The following PICALM variants were observed in gnomAD, a reference collection of about 807,000 sequenced individuals.
The protein encoded by PICALM is phosphatidylinositol binding clathrin assembly protein.
A neutral mutation model predicts 80.5 loss-of-function variants in PICALM; 40 were observed. That is an observed-to-expected ratio of 0.50 (90% confidence interval 0.39 to 0.65). PICALM has a LOEUF of 0.65. Among genes scored for constraint, PICALM ranks in the 30% least tolerant of loss-of-function variants. PICALM has a pLI of 0.00. For missense variants in PICALM, 676 were observed against 778.9 expected (o/e 0.87, Z 1.57); for synonymous variants, 288 against 260.3 (o/e 1.11, Z -1.02).
In PICALM at chr11:85,981,983, G is replaced by C; in HGVS notation, c.1537C>G (p.Leu513Val). 1 of 1,613,202 alleles carries C rather than the reference G, an allele frequency of 6.2e-7. No homozygotes were observed. The highest frequency in any genetic ancestry group is 2.2e-5 in the East Asian group (1 of 44,864). ...DSGGFDELGG[L>V]LKPTVASQNQ... is the part of the protein sequence containing the mutation. The stretch of plus-strand genomic sequence containing the variant: ...TGAGAGGCCACTGTTGGTTTGAGAA[G>C]TCCACCTAGTTCATCAAAGCCTTAA... Residue 513 changes from leucine (L) to valine (V), a missense_variant, in exon 15 of 20, where the codon CTT becomes GTT. By Grantham distance (32) the Leu-to-Val change is conservative. Coordinates refer to ENST00000393346, the MANE Select transcript of PICALM (RefSeq NM_007166.4).
At chr11:86,020,741 A>G (rs1485646926) in intron 4 of PICALM, among the ~76,000 whole-genome samples, 2 of 152,226 alleles carry the variant, frequency 1.3e-5, no homozygotes, top group African/African-American at 2.4e-5. Context: ...TTCCAAATAG[A>G]TAAGAACCTA....
At chr11:86,037,567 T>C (rs1262902967) in intron 1 of PICALM, among the ~76,000 whole-genome samples, 2 of 151,692 alleles carry the variant, frequency 1.3e-5, no homozygotes, top group Admixed American at 1.3e-4. Flanking sequence ...TCCCTAGTTT[T>C]TTTTTTTTTA....
intron 4 of PICALM, among the ~76,000 whole-genome samples, chr11:86,016,900 G>A (rs1391908992): frequency 1.3e-5 from 2 of 152,058 alleles, no homozygotes; most frequent in Non-Finnish European, 2.9e-5. Flanking sequence ...TGGTCTTCTT[G>A]CCACCCAAAC....
intron 13 of PICALM, among the ~76,000 whole-genome samples, chr11:85,987,320 C>A (rs1378285744): frequency 2.0e-5 from 3 of 152,048 alleles, no homozygotes; most frequent in Non-Finnish European, 4.4e-5. Flanking sequence ...GACTTGAACC[C>A]CCATTTGTTT....
intron 1 of PICALM, among the ~76,000 whole-genome samples, chr11:86,068,253 CT>C (rs2096474380): frequency 1.3e-5 from 2 of 152,102 alleles, no homozygotes; most frequent in African/African-American, 4.8e-5. Flanking sequence ...AACAATGGGG[CT>C]TGGAGACGCT....
At chr11:86,029,461 A>G (rs1321486852) in intron 2 of PICALM, among the ~76,000 whole-genome samples, 1 of 152,228 alleles carries the variant, frequency 6.6e-6, no homozygotes, top group Non-Finnish European at 1.5e-5. Context: ...AACTGCCTAC[A>G]GGAAGCTAAA....
At chr11:86,037,282 C>T (rs1297751933) in intron 1 of PICALM, among the ~76,000 whole-genome samples, 4 of 94,532 alleles carry the variant, frequency 4.2e-5, no homozygotes, top group Admixed American at 1.2e-4. Flanking sequence ...TTTTTTGAGA[C>T]GGAGTCTCAC....
intron 1 of PICALM, among the ~76,000 whole-genome samples, chr11:86,063,499 T>C (rs2096399722): frequency 1.3e-5 from 2 of 152,168 alleles, no homozygotes; most frequent in Admixed American, 6.5e-5. Flanking sequence ...CTACAAAAAA[T>C]AGTTGAATAT....
chr11:86,039,501 C>T (rs896764905), intron 1 of PICALM, among the ~76,000 whole-genome samples: 4 of 152,098 alleles, frequency 2.6e-5, no homozygotes, highest in Admixed American at 2.6e-4. Context: ...GGTAAAATGA[C>T]AGCACTTTCC....
rs17817883 is a variant in PICALM, at chr11:86,033,195, A to G, written c.131-1584T>C. Among the ~76,000 whole-genome samples, 2 of 152,160 alleles carry G rather than the reference A, an allele frequency of 1.3e-5. 1 individual carries two copies. Among genetic ancestry groups the G allele is most frequent in the Middle Eastern group, 6.8e-3 (2 of 294 alleles). ...TATGGCACTGAACATATTACACTAG[A>G]CTTCAGTTTCAACGACAGTACTTTA... On this transcript the variant is annotated intron_variant, in intron 1 of 19. Coordinates refer to ENST00000393346, the MANE Select transcript of PICALM (RefSeq NM_007166.4).
chr11:86,038,148 T>G (rs1003241033), intron 1 of PICALM, among the ~76,000 whole-genome samples: 4 of 150,640 alleles, frequency 2.7e-5, no homozygotes. Flanking sequence ...GGTGAAACCC[T>G]GTCTCTACTA....
intron 3 of PICALM, chr11:86,023,308 C>T (rs961960537): frequency 3.9e-6 from 1 of 254,142 alleles, no homozygotes; most frequent in African/African-American, 2.3e-5. Flanking sequence ...TCAACATCAC[C>T]AGTTCATTTA....
At chr11:86,022,587 T>G (rs1404177092) in intron 3 of PICALM, 118 bp from the exon 4 acceptor site, 1 of 540,762 alleles carries the variant, frequency 1.8e-6, no homozygotes, top group African/African-American at 2.0e-5. Flanking sequence ...TAAAATGTCT[T>G]GATATCCCAA....
At chr11:86,066,247 A>G (rs2096446583) in intron 1 of PICALM, among the ~76,000 whole-genome samples, 1 of 152,236 alleles carries the variant, frequency 6.6e-6, no homozygotes, top group Admixed American at 6.5e-5. Context: ...TACCTAAGAT[A>G]AAGGTATTTT....
Position 85,990,321 on chromosome 11 carries a change from T to A in PICALM, c.1337A>T (p.Asp446Val), listed in dbSNP as rs1235235054. 3.1e-6 allele frequency: 5 copies of A among 1,604,434 alleles called. No individual in the cohort carries two copies. The highest frequency in any genetic ancestry group is 1.1e-5 in the South Asian group (1 of 90,792). ...LNPFLTKSSGDVHLSISSDVS... is the reference protein window; with the variant it reads ...LNPFLTKSSGVVHLSISSDVS... ...ATCTGAAGAAATGGAAAGGTGAACA[T>A]CACCACTACTTTTTGTGAGGAAAGG... is the stretch of plus-strand genomic sequence containing the variant. The change falls in exon 13 of 20, where the codon GAT (aspartate) becomes GTT (valine). Residue 446 changes from aspartate to valine, a missense_variant. By Grantham distance (152) the Asp-to-Val change is radical (BLOSUM62 -3). Around this residue, in one of 2 missense-constraint regions of PICALM, gnomAD observed 391 missense variants for 383.6 expected, o/e 1.02. Transcript: ENST00000393346.
chr11:86,019,744 T>A (rs540073492), intron 4 of PICALM, among the ~76,000 whole-genome samples: 4 of 152,242 alleles, frequency 2.6e-5, no homozygotes, highest in African/African-American at 9.6e-5. Flanking sequence ...AATGGCAGCA[T>A]AGAACATTTA....
At chr11:86,052,213 G>T (rs2096201477) in intron 1 of PICALM, among the ~76,000 whole-genome samples, 1 of 152,006 alleles carries the variant, frequency 6.6e-6, no homozygotes, top group Non-Finnish European at 1.5e-5. Flanking sequence ...GTTTTATAAG[G>T]GGCACTTCTC....
intron 7 of PICALM, among the ~76,000 whole-genome samples, chr11:86,010,671 C>G (rs2136270137): frequency 6.6e-6 from 1 of 152,222 alleles, no homozygotes; most frequent in South Asian, 2.1e-4. Context: ...GGAAAGAAAC[C>G]TGCACTGATA....
At chr11:85,971,673 T>G (rs2094115820) in intron 19 of PICALM, among the ~76,000 whole-genome samples, 1 of 148,344 alleles carries the variant, frequency 6.7e-6, no homozygotes, top group Non-Finnish European at 1.5e-5. Context: ...GAGATGGAGG[T>G]TGCAGTGAGC....
Sources: allele counts gnomAD v4.1 joint callset (sites outside exome capture counted in the v4.1 genomes callset), GRCh38; gene constraint gnomAD v4.1.1; regional missense constraint gnomAD v4.1.1; transcripts MANE v1.5; gene names NCBI Gene and HGNC (gene_info 2026-07-23, HGNC 2026-07-21).